The following NLGN4X variants were observed in gnomAD, a reference collection of about 807,000 sequenced individuals.
NLGN4X encodes neuroligin-4, X-linked.
NLGN4X carries 3 observed loss-of-function variants against 40.3 expected under a neutral mutation model. The ratio of observed to expected loss-of-function variants is 0.07; its 90% CI spans 0.03 to 0.19. The LOEUF (loss-of-function observed/expected upper bound fraction) is 0.19, where lower values mean the gene tolerates loss of function less well. NLGN4X is among the 10% of genes least tolerant of loss of function. The pLI, the probability that NLGN4X is intolerant of heterozygous loss-of-function variation, is 1.00. For synonymous variants in NLGN4X, 270 were observed against 306.8 expected (o/e 0.88, Z 1.25); for missense variants, 382 against 708.3 (o/e 0.54, Z 5.23).
chrX:6,220,523 CATAG>C (rs761038002), intron 1 of NLGN4X, among the ~76,000 whole-genome samples: 2 of 106,132 alleles, frequency 1.9e-5, no homozygotes, highest in Non-Finnish European at 3.8e-5. Flanking sequence ...TTTTGTCACA[CATAG>C]ATAGTTTCAC....
chrX:6,185,969 C>A (rs1401187990), intron 1 of NLGN4X, among the ~76,000 whole-genome samples: 1 of 112,404 alleles, frequency 8.9e-6, no homozygotes, highest in East Asian at 2.8e-4. Context: ...CTCATCCATA[C>A]ACCCCAGATG....
At chrX:6,126,413 T>G (rs1395081545) in intron 2 of NLGN4X, among the ~76,000 whole-genome samples, 1 of 111,346 alleles carries the variant, frequency 9.0e-6, no homozygotes, top group Non-Finnish European at 1.9e-5. Flanking sequence ...GAGAAAATGG[T>G]CATTATTTGT....
intron 2 of NLGN4X, among the ~76,000 whole-genome samples, chrX:6,058,571 T>C (rs777014182): frequency 6.2e-5 from 7 of 112,147 alleles, no homozygotes; most frequent in Non-Finnish European, 1.3e-4. Context: ...AAGGGAACAT[T>C]ATGTCTTTTT....
At chrX:6,215,426 G>T (rs888904082) in intron 1 of NLGN4X, among the ~76,000 whole-genome samples, 5 of 109,972 alleles carry the variant, frequency 4.5e-5, no homozygotes, top group African/African-American at 1.7e-4. Flanking sequence ...GTGTGTGCCT[G>T]TAATCCCAGC....
At chrX:5,900,719 A>G (rs1301928409) in intron 5 of NLGN4X, among the ~76,000 whole-genome samples, 1 of 108,005 alleles carries the variant, frequency 9.3e-6, no homozygotes, top group Non-Finnish European at 1.9e-5. Context: ...GACTCTCGGC[A>G]TATGCTACCA....
chrX:5,997,503 TCA>T (rs1357553418), intron 3 of NLGN4X, among the ~76,000 whole-genome samples: 3 of 106,194 alleles, frequency 2.8e-5, no homozygotes, highest in Non-Finnish European at 5.8e-5. Flanking sequence ...TTAATATATA[TCA>T]CAGATTTACA....
chrX:5,925,881 CATAT>C (rs55860509), intron 3 of NLGN4X, among the ~76,000 whole-genome samples: 379 of 19,319 alleles, frequency 0.02, 7 homozygotes, highest in Middle Eastern at 0.045. Flanking sequence ...TACATACACA[CATAT>C]ATATATATAT....
At chrX:5,920,437 C>T (rs753179121) in intron 3 of NLGN4X, among the ~76,000 whole-genome samples, 27 of 112,053 alleles carry the variant, frequency 2.4e-4, no homozygotes, top group Non-Finnish European at 2.8e-4. Context: ...ACTGCAGGAG[C>T]GTGCATTTGG....
intron 2 of NLGN4X, among the ~76,000 whole-genome samples, chrX:6,046,610 T>C (rs1168997140): frequency 9.0e-6 from 1 of 111,470 alleles, no homozygotes; most frequent in Admixed American, 9.6e-5. Flanking sequence ...TATTTATTAA[T>C]AAAGAAGGCA....
intron 1 of NLGN4X, among the ~76,000 whole-genome samples, chrX:6,210,045 G>C (rs947096621): frequency 9.0e-6 from 1 of 110,616 alleles, no homozygotes; most frequent in Non-Finnish European, 1.9e-5. Context: ...GTAGAAACGC[G>C]GTCTCATTAT....
chrX:5,890,363 T>C lies in NLGN4X; in HGVS notation c.*2454A>G, dbSNP rs1230487620. 4.6e-6 allele frequency: 1 copy of C among 218,727 alleles called. No homozygotes were observed. Among genetic ancestry groups the C allele is most frequent in the Non-Finnish European group, 8.2e-6 (1 of 121,593 alleles). The allele number at this position is 218,727 out of a possible 1,213,427, so 18.0% of individuals were successfully genotyped here. ...TGTAGAAATAAGATATCATTTAAGA[T>C]GTACTAAAATCACTTTTGATCATAA... On this transcript the variant is annotated 3_prime_UTR_variant, in exon 6 of 6. Coordinates refer to ENST00000381095, the MANE Select transcript of NLGN4X (RefSeq NM_181332.3).
At chrX:6,034,735 G>A (rs1281793829) in intron 2 of NLGN4X, among the ~76,000 whole-genome samples, 2 of 103,283 alleles carry the variant, frequency 1.9e-5, no homozygotes, top group African/African-American at 7.2e-5. Context: ...TTTTTTCAAA[G>A]TCTTGCTCTG....
At chrX:6,156,124 T>C (rs1306368151) in intron 1 of NLGN4X, among the ~76,000 whole-genome samples, 4 of 112,240 alleles carry the variant, frequency 3.6e-5, no homozygotes, top group African/African-American at 9.7e-5. Flanking sequence ...CTATTCACAA[T>C]AGCAAAGACA....
At chrX:6,081,309 G>A (rs963535387) in intron 2 of NLGN4X, among the ~76,000 whole-genome samples, 3 of 111,524 alleles carry the variant, frequency 2.7e-5, no homozygotes, top group Non-Finnish European at 3.8e-5. Context: ...TAGAGACGGG[G>A]TCTCATTATG....
intron 4 of NLGN4X, among the ~76,000 whole-genome samples, chrX:5,905,827 G>A (rs1032818767): frequency 8.1e-5 from 9 of 111,712 alleles, no homozygotes; most frequent in Non-Finnish European, 1.1e-4. Flanking sequence ...CAACAGATGC[G>A]TCTCTTTTTT....
intron 1 of NLGN4X, among the ~76,000 whole-genome samples, chrX:6,202,174 A>G (rs1332530664): frequency 9.1e-6 from 1 of 110,462 alleles, no homozygotes; most frequent in Non-Finnish European, 1.9e-5. Flanking sequence ...TCCAGTGGTC[A>G]GCTAGACAAC....
intron 1 of NLGN4X, among the ~76,000 whole-genome samples, chrX:6,198,018 T>TA (rs748219635): frequency 9.2e-6 from 1 of 108,703 alleles, no homozygotes; most frequent in Admixed American, 9.8e-5. Context: ...GAGCTGTAGT[T>TA]ACGCCACTGC....
chrX:6,081,673 G>A (rs1251426659), intron 2 of NLGN4X, among the ~76,000 whole-genome samples: 1 of 112,174 alleles, frequency 8.9e-6, no homozygotes, highest in Non-Finnish European at 1.9e-5. Flanking sequence ...GGGAGTTGCA[G>A]TCAGACTCTA....
intron 2 of NLGN4X, among the ~76,000 whole-genome samples, chrX:6,088,708 G>C (rs900689053): frequency 8.9e-6 from 1 of 111,982 alleles, no homozygotes; most frequent in African/African-American, 3.2e-5. Flanking sequence ...ATCTACTACT[G>C]TCTGTGTAGC....
Sources: gnomAD v4.1 joint callset for allele counts (sites outside exome capture counted in the v4.1 genomes callset) on GRCh38, gnomAD v4.1.1 for gene constraint, MANE v1.5 for transcripts, NCBI Gene and HGNC (gene_info 2026-07-23, HGNC 2026-07-21) for gene names.